The following STAM variants were observed in gnomAD, a reference collection of about 807,000 sequenced individuals.
STAM encodes signal transducing adapter molecule 1.
STAM carries 16 observed loss-of-function variants against 63.4 expected under a neutral mutation model. That is an observed-to-expected ratio of 0.25 (90% CI 0.17 to 0.38). The LOEUF is 0.38. Among genes scored for constraint, STAM ranks in the 10% least tolerant of loss-of-function variants. STAM has a pLI of 1.00. For synonymous variants in STAM, 238 were observed against 223.9 expected, an observed-to-expected ratio of 1.06 and a Z score of -0.56; for missense variants, 636 against 657.1, an observed-to-expected ratio of 0.97 and a Z score of 0.35.
At chr10:17,660,049 C>CAA (rs57550622) in intron 1 of STAM, among the ~76,000 whole-genome samples, 13,360 of 148,650 alleles carry the variant, frequency 0.09, 634 homozygotes, top group Middle Eastern at 0.13. Flanking sequence ...TCCATATTAT[C>CAA]AAAAAAAAAA....
chr10:17,692,203 ATGTC>A (rs2131648106), intron 5 of STAM, among the ~76,000 whole-genome samples: 1 of 152,270 alleles, frequency 6.6e-6, no homozygotes, highest in East Asian at 1.9e-4. Flanking sequence ...ATTTGAACTC[ATGTC>A]TGTCTGACTC....
chr10:17,694,544 G>A (rs1406086111), intron 6 of STAM, among the ~76,000 whole-genome samples: 2 of 152,092 alleles, frequency 1.3e-5, no homozygotes, highest in Non-Finnish European at 2.9e-5. Flanking sequence ...ATAGAGACAC[G>A]TTTGAGATCT....
chr10:17,660,183 A>G (rs1367377766), intron 1 of STAM, among the ~76,000 whole-genome samples: 4 of 152,190 alleles, frequency 2.6e-5, no homozygotes, highest in Non-Finnish European at 5.9e-5. Context: ...CTATTTGCAG[A>G]TGGTGGTAGA....
intron 6 of STAM, 26 bp from the exon 7 acceptor site, chr10:17,695,023 G>A (rs1448490521): frequency 6.2e-7 from 1 of 1,603,890 alleles, no homozygotes; most frequent in Non-Finnish European, 8.5e-7. Flanking sequence ...AACATTTTGG[G>A]TCTTTAAAAA....
intron 1 of STAM, among the ~76,000 whole-genome samples, chr10:17,649,873 A>G (rs1371212543): frequency 6.6e-6 from 1 of 152,174 alleles, no homozygotes; most frequent in Non-Finnish European, 1.5e-5. Context: ...TCAGCCTCCC[A>G]AAGTGCTGGG....
chr10:17,714,749 A>G lies in STAM; in HGVS notation c.1592A>G (p.Gln531Arg), dbSNP rs782583229. 1 of 1,614,124 alleles carries G rather than the reference A, an allele frequency of 6.2e-7. No individual in the cohort carries two copies. Among genetic ancestry groups the G allele is most frequent in the South Asian group, 1.1e-5 (1 of 91,060 alleles). ...PGGSQQPPQP[Q>R]QPYSQKALL is the part of the protein sequence containing the mutation. ...GGCAGCCAACAGCCACCTCAGCCAC[A>G]GCAACCATATTCTCAGAAGGCTCTG... Residue 531 changes from glutamine to arginine, a missense_variant, in exon 14 of 14, where the codon CAG (glutamine) becomes CGG (arginine). Gln to Arg is a conservative substitution (Grantham distance 43, BLOSUM62 1). Transcript: ENST00000377524.
chr10:17,709,555 A>G (rs1375486727), intron 13 of STAM, among the ~76,000 whole-genome samples: 1 of 152,116 alleles, frequency 6.6e-6, no homozygotes, highest in African/African-American at 2.4e-5. Flanking sequence ...TAGTTAAATG[A>G]TTATTGTGTG....
chr10:17,652,223 G>A (rs1374157612), intron 1 of STAM, among the ~76,000 whole-genome samples: 2 of 151,952 alleles, frequency 1.3e-5, no homozygotes, highest in Non-Finnish European at 2.9e-5. Context: ...GAACCATGTT[G>A]TAGGTAGTTT....
At chr10:17,671,904 A>G (rs760512955) in intron 2 of STAM, among the ~76,000 whole-genome samples, 7 of 152,242 alleles carry the variant, frequency 4.6e-5, no homozygotes, top group African/African-American at 7.2e-5. Flanking sequence ...TTAGTAATAT[A>G]TACAGGAATT....
rs76766346 is a variant in STAM, at chr10:17,714,830, T to C, written c.*50T>C. The C allele has an allele frequency of 1.0e-3, 1,533 of 1,482,494 alleles. 13 individuals are homozygous for C. The African/African-American group carries it at 0.018, about 18-fold the overall frequency. The allele number at this position is 1,482,494 out of a possible 1,614,324, so 91.8% of individuals were successfully genotyped here. On this transcript the variant is annotated 3_prime_UTR_variant, in exon 14 of 14. Transcript: ENST00000377524. ...GATACCTGCTAAATGCCACTGACAA[T>C]GTTATGAGATTCATTACTATCTTAA...
chr10:17,683,812 T>TTCTTCATATCATG (rs1554825761), intron 2 of STAM, among the ~76,000 whole-genome samples: 3 of 152,268 alleles, frequency 2.0e-5, no homozygotes, highest in African/African-American at 7.2e-5. Context: ...GGTAGTTTTC[T>TTCTTCATATCATG]TCTTCATATC....
chr10:17,697,771 A>G (rs1370910356), intron 8 of STAM, among the ~76,000 whole-genome samples: 1 of 152,190 alleles, frequency 6.6e-6, no homozygotes, highest in Non-Finnish European at 1.5e-5. Flanking sequence ...TGTATTTGTA[A>G]TAAAATATTT....
rs372263762 is a variant in STAM at position 17,660,454 on chromosome 10, C to A, written c.41-10C>A. 5.1e-6 allele frequency: 8 copies of A among 1,562,248 alleles called. No individual in the cohort carries two copies. In the East Asian group the frequency reaches 1.9e-4, roughly 36 times the overall value. On this transcript the variant is annotated splice_polypyrimidine_tract_variant and intron_variant, in intron 1 of 13. Transcript: ENST00000377524. ...AATAATGTTTCTGCAATCCCCTTTA[C>A]AATCTACAGAGAAAGCAACCAGCGA...
intron 13 of STAM, among the ~76,000 whole-genome samples, chr10:17,709,477 A>C (rs71495284): frequency 0.041 from 6,297 of 152,292 alleles, 170 homozygotes; most frequent in East Asian, 0.16. Context: ...CTCAGGAGGC[A>C]GATGGCTGAA....
At chr10:17,672,706 C>T (rs547531410) in intron 2 of STAM, among the ~76,000 whole-genome samples, 17 of 152,274 alleles carry the variant, frequency 1.1e-4, no homozygotes, top group South Asian at 2.1e-4. Context: ...ATTTGAGAGA[C>T]GGTTCATGAG....
At chr10:17,681,064 C>T (rs1473206732) in intron 2 of STAM, among the ~76,000 whole-genome samples, 2 of 152,134 alleles carry the variant, frequency 1.3e-5, no homozygotes, top group East Asian at 3.9e-4. Context: ...TACACAGCAC[C>T]TGTAGCGTTT....
chr10:17,656,375 T>C (rs1314009350), intron 1 of STAM, among the ~76,000 whole-genome samples: 2 of 152,014 alleles, frequency 1.3e-5, no homozygotes, highest in African/African-American at 2.4e-5. Context: ...CAAAAGCACA[T>C]TGGAAGTTCT....
chr10:17,709,280 T>C (rs879947787), intron 13 of STAM, among the ~76,000 whole-genome samples: 1 of 152,270 alleles, frequency 6.6e-6, no homozygotes, highest in East Asian at 1.9e-4. Context: ...TTAGTGACTA[T>C]AATTTGTCAT....
chr10:17,703,075 A>G (rs1474142810), intron 9 of STAM, among the ~76,000 whole-genome samples: 1 of 151,694 alleles, frequency 6.6e-6, no homozygotes, highest in Non-Finnish European at 1.5e-5. Context: ...CAGACTAATC[A>G]TCTATGTAGA....
Sources: gnomAD v4.1 joint callset for allele counts (sites outside exome capture counted in the v4.1 genomes callset) on GRCh38, gnomAD v4.1.1 for gene constraint, MANE v1.5 for transcripts, NCBI Gene and HGNC (gene_info 2026-07-23, HGNC 2026-07-21) for gene names.